The following FHIT variants were observed in gnomAD, a reference collection of about 807,000 sequenced individuals.
FHIT encodes the protein fragile histidine triad diadenosine triphosphatase.
FHIT carries 19 observed loss-of-function variants against 17.9 expected under a neutral mutation model. The observed-to-expected ratio is 1.06, with a 90% CI of 0.74 to 1.56. FHIT has a LOEUF of 1.56. FHIT is among the 40% of genes most tolerant of loss of function. The pLI is 0.00. For missense variants in FHIT, 248 were observed against 189.2 expected (o/e 1.31, Z -1.82); for synonymous variants, 81 against 69.7 (o/e 1.16, Z -0.81).
At chr3:60,106,676 A>G (rs72880880) in intron 5 of FHIT, among the ~76,000 whole-genome samples, 1 of 151,730 alleles carries the variant, frequency 6.6e-6, no homozygotes, top group South Asian at 2.1e-4. Context: ...AAGAGATGAG[A>G]CTCCCCTATC....
At chr3:60,362,152 T>A (rs1699932652) in intron 5 of FHIT, among the ~76,000 whole-genome samples, 1 of 152,190 alleles carries the variant, frequency 6.6e-6, no homozygotes, top group Non-Finnish European at 1.5e-5. Flanking sequence ...GTGAAATGGT[T>A]ACTAAGTGAA....
At chr3:60,596,585 G>C (rs531023077) in intron 4 of FHIT, among the ~76,000 whole-genome samples, 1 of 151,978 alleles carries the variant, frequency 6.6e-6, no homozygotes, top group Non-Finnish European at 1.5e-5. Flanking sequence ...AATCACTCCT[G>C]CAGCAATTTC....
At chr3:60,296,703 C>T (rs1708228713) in intron 5 of FHIT, among the ~76,000 whole-genome samples, 1 of 151,888 alleles carries the variant, frequency 6.6e-6, no homozygotes. Flanking sequence ...GCATTTGATG[C>T]CAAGTCCAAG....
chr3:60,807,859 A>T (rs12633756), intron 4 of FHIT, among the ~76,000 whole-genome samples: 8 of 151,578 alleles, frequency 5.3e-5, no homozygotes, highest in Non-Finnish European at 1.2e-4. Context: ...ATAAAATAAA[A>T]AAAGGAAAAA....
intron 1 of FHIT, among the ~76,000 whole-genome samples, chr3:61,236,467 G>T (rs1182986098): frequency 6.6e-6 from 1 of 152,002 alleles, no homozygotes; most frequent in Non-Finnish European, 1.5e-5. Context: ...AGCTCTGACT[G>T]GTTCCAAAGC....
intron 5 of FHIT, among the ~76,000 whole-genome samples, chr3:60,348,079 A>C (rs899149808): frequency 3.3e-5 from 5 of 152,164 alleles, no homozygotes; most frequent in Non-Finnish European, 7.4e-5. Context: ...TTTTAAAAAG[A>C]AATTCATGGT....
intron 3 of FHIT, among the ~76,000 whole-genome samples, chr3:60,932,953 A>C (rs1708037184): frequency 6.6e-6 from 1 of 152,194 alleles, no homozygotes; most frequent in South Asian, 2.1e-4. Context: ...AACAAACCCT[A>C]GGAGCATAAT....
At chr3:59,919,307 A>AT (rs1449583840) in intron 8 of FHIT, among the ~76,000 whole-genome samples, 12 of 151,794 alleles carry the variant, frequency 7.9e-5, no homozygotes, top group Middle Eastern at 3.4e-3. Context: ...TTAAGTGTTC[A>AT]TTTTTTTTCA....
chr3:60,761,514 A>G (rs1699655383), intron 4 of FHIT, among the ~76,000 whole-genome samples: 1 of 152,164 alleles, frequency 6.6e-6, no homozygotes, highest in Non-Finnish European at 1.5e-5. Context: ...TTTACTTGCA[A>G]GTATAAAGGA....
chr3:60,456,233 A>G (rs1004264497), intron 5 of FHIT, among the ~76,000 whole-genome samples: 1 of 152,228 alleles, frequency 6.6e-6, no homozygotes, highest in Admixed American at 6.5e-5. Context: ...TAAAAAACAT[A>G]TATGACTCAG....
chr3:60,713,771 T>G (rs2041605906), intron 4 of FHIT, among the ~76,000 whole-genome samples: 1 of 152,058 alleles, frequency 6.6e-6, no homozygotes, highest in Admixed American at 6.6e-5. Context: ...TAACAGGATC[T>G]GAAATTGTGG....
At chr3:60,821,288 A>G (rs1159950310) in intron 4 of FHIT, among the ~76,000 whole-genome samples, 1 of 152,090 alleles carries the variant, frequency 6.6e-6, no homozygotes, top group Non-Finnish European at 1.5e-5. Context: ...TACATATTCA[A>G]CATATCCGGT....
At chr3:60,553,430 C>A in intron 4 of FHIT, 2 of 841,394 alleles carry the variant, frequency 2.4e-6, no homozygotes, top group Non-Finnish European at 2.8e-6. Flanking sequence ...AAAAAGAGGT[C>A]ACTGCTTTAA....
At chr3:61,048,371 GA>G (rs1177511476) in intron 2 of FHIT, among the ~76,000 whole-genome samples, 11 of 152,156 alleles carry the variant, frequency 7.2e-5, no homozygotes, top group African/African-American at 2.7e-4. Context: ...ACAGACACAT[GA>G]AAAAATGCTC....
intron 5 of FHIT, among the ~76,000 whole-genome samples, chr3:60,464,816 A>G (rs2032693353): frequency 6.6e-6 from 1 of 152,190 alleles, no homozygotes; most frequent in African/African-American, 2.4e-5. Flanking sequence ...ATGCTGCAAT[A>G]AACACGGGGG....
chr3:60,243,149 T>C (rs1428110213), intron 5 of FHIT, among the ~76,000 whole-genome samples: 1 of 151,874 alleles, frequency 6.6e-6, no homozygotes. Context: ...GGGAGGGTGG[T>C]CTATGATTAA....
chr3:60,786,716 G>C (rs1700588728), intron 4 of FHIT, among the ~76,000 whole-genome samples: 1 of 152,130 alleles, frequency 6.6e-6, no homozygotes, highest in South Asian at 2.1e-4. Flanking sequence ...GCATGAATAG[G>C]TATATGTCTT....
intron 7 of FHIT, among the ~76,000 whole-genome samples, chr3:59,936,000 G>A (rs979285667): frequency 6.6e-6 from 1 of 152,100 alleles, no homozygotes; most frequent in Non-Finnish European, 1.5e-5. Context: ...TAAGTTTGAA[G>A]TTCTTGTGTT....
At chr3:60,349,697 T>C (rs1392073905) in intron 5 of FHIT, among the ~76,000 whole-genome samples, 1 of 152,176 alleles carries the variant, frequency 6.6e-6, no homozygotes, top group African/African-American at 2.4e-5. Flanking sequence ...AAAAAGCAAT[T>C]CAAAGATCAA....
Sources: allele counts gnomAD v4.1 joint callset (sites outside exome capture counted in the v4.1 genomes callset), GRCh38; gene constraint gnomAD v4.1.1; transcripts MANE v1.5; gene names NCBI Gene and HGNC (gene_info 2026-07-23, HGNC 2026-07-21).